Variants in MAML3 observed in about 807,000 individuals in gnomAD.
MAML3 encodes the protein mastermind like transcriptional coactivator 3.
In MAML3, 27 loss-of-function variants were observed where a neutral mutation model predicts 101.9. The observed-to-expected ratio is 0.27, with a 90% CI of 0.20 to 0.37. The LOEUF (loss-of-function observed/expected upper bound fraction) is 0.37. Ranked by LOEUF, MAML3 falls within the 10% of genes least tolerant of loss-of-function variation. The pLI is 1.00. For missense variants in MAML3, 1,316 were observed against 1,444.9 expected, an observed-to-expected ratio of 0.91 and a Z score of 1.45; for synonymous variants, 501 against 555.9, an observed-to-expected ratio of 0.90 and a Z score of 1.39.
Position 140,129,220 on chromosome 4 carries a change from A to G in MAML3, c.468+23640T>C, listed in dbSNP as rs149726057. Among the ~76,000 whole-genome samples the G allele has an allele frequency of 4.0e-3, 613 of 152,316 alleles. 2 individuals carry two copies. Among genetic ancestry groups the G allele is most frequent in the African/African-American group, 0.012 (491 of 41,584 alleles). ...TCACACTCAGAAAATGTGAGCTGTT[A>G]GTATTATCACTTTTTTCCATCAGTG... On this transcript the variant is annotated intron_variant, in intron 1 of 4. Transcript: ENST00000509479.
intron 1 of MAML3, among the ~76,000 whole-genome samples, chr4:140,064,523 GCTT>G (rs564095312): frequency 3.0e-4 from 46 of 152,284 alleles, no homozygotes; most frequent in African/African-American, 1.1e-3. Context: ...GTGGCTTTCT[GCTT>G]TTCCACACTT....
intron 1 of MAML3, among the ~76,000 whole-genome samples, chr4:139,956,579 A>C (rs958781504): frequency 6.6e-6 from 1 of 152,234 alleles, no homozygotes; most frequent in Non-Finnish European, 1.5e-5. Context: ...TTTGGCACAA[A>C]GCCCTTTATT....
At position 140,153,550 on chromosome 4, in the gene MAML3, AG is replaced by A. The variant is rs1202762441; in HGVS notation, c.-224del. The A allele has an allele frequency of 5.8e-6, 3 of 516,808 alleles. No homozygotes were observed. The highest frequency in any genetic ancestry group is 3.2e-5 in the East Asian group (1 of 31,168). 32.0% of individuals were successfully genotyped at this position (516,808 alleles called of 1,614,324 possible). ...ACTGTAAAAGCTCAAGGGGAAGAAA[AG>A]GGGGGAACGTTATCGGAATACCATC... On this transcript the variant is annotated 5_prime_UTR_variant, in exon 1 of 5. Coordinates refer to ENST00000509479, the MANE Select transcript of MAML3 (RefSeq NM_018717.5).
chr4:139,858,582 G>A (rs142865861), intron 2 of MAML3, among the ~76,000 whole-genome samples: 64 of 151,710 alleles, frequency 4.2e-4, no homozygotes, highest in Middle Eastern at 6.9e-3. Context: ...GCTTTTGTGC[G>A]TCCCACACAG....
rs368236253 is a variant in MAML3, at chr4:140,118,328, G to GTA, written c.468+34530_468+34531dup. Among the ~76,000 whole-genome samples, 497 of 151,550 alleles carry GTA rather than the reference G, an allele frequency of 3.3e-3. 4 individuals are homozygous for GTA. The highest frequency in any genetic ancestry group is 0.011 in the African/African-American group (455 of 41,350). ...TCTCTGCGCCTCAGTTTCTTCATCTGTATATATATATACACCTATCTCATT... is the reference window on the plus strand; with the variant it reads ...TCTCTGCGCCTCAGTTTCTTCATCTGTATATATATATATACACCTATCTCATT... On this transcript the variant is annotated intron_variant, in intron 1 of 4. Transcript: ENST00000509479.
intron 1 of MAML3, among the ~76,000 whole-genome samples, chr4:140,086,408 A>C (rs1481808481): frequency 1.3e-5 from 2 of 152,096 alleles, no homozygotes; most frequent in African/African-American, 4.8e-5. Flanking sequence ...TAAACAATAC[A>C]CTGTCTCGTC....
chr4:139,832,167 C>T (rs1380126678), intron 2 of MAML3, among the ~76,000 whole-genome samples: 1 of 139,486 alleles, frequency 7.2e-6, no homozygotes, highest in Non-Finnish European at 1.5e-5. Context: ...TGCGGTGGGG[C>T]CACCTTGGCT....
At chr4:139,739,468 T>A (rs1020296619) in intron 2 of MAML3, among the ~76,000 whole-genome samples, 10 of 152,210 alleles carry the variant, frequency 6.6e-5, no homozygotes, top group African/African-American at 2.4e-4. Flanking sequence ...GTCCTTTTGA[T>A]CCCTTTCTTG....
At chr4:139,808,148 T>C (rs1730732631) in intron 2 of MAML3, among the ~76,000 whole-genome samples, 1 of 152,266 alleles carries the variant, frequency 6.6e-6, no homozygotes, top group African/African-American at 2.4e-5. Flanking sequence ...CTATCCAATT[T>C]TTCTGACTTT....
At chr4:139,971,710 C>T (rs1469460257) in intron 1 of MAML3, among the ~76,000 whole-genome samples, 2 of 152,106 alleles carry the variant, frequency 1.3e-5, no homozygotes, top group Non-Finnish European at 2.9e-5. Flanking sequence ...GTCAATACTT[C>T]CATTTTCTGG....
chr4:139,931,000 G>C (rs534662174), intron 1 of MAML3, among the ~76,000 whole-genome samples: 5 of 152,058 alleles, frequency 3.3e-5, no homozygotes, highest in East Asian at 3.9e-4. Context: ...TAACAGATGT[G>C]GGGGAGAAGA....
chr4:139,989,166 A>T (rs1734612918), intron 1 of MAML3, among the ~76,000 whole-genome samples: 1 of 152,148 alleles, frequency 6.6e-6, no homozygotes, highest in African/African-American at 2.4e-5. Context: ...AATCTTGGCC[A>T]AGGATACAAA....
At chr4:139,864,365 G>A (rs533335749) in intron 2 of MAML3, among the ~76,000 whole-genome samples, 1 of 152,176 alleles carries the variant, frequency 6.6e-6, no homozygotes, top group East Asian at 1.9e-4. Context: ...TTACTTGTTG[G>A]CTTCACTTGT....
At chr4:139,782,349 A>G (rs1012969358) in intron 2 of MAML3, among the ~76,000 whole-genome samples, 1 of 152,054 alleles carries the variant, frequency 6.6e-6, no homozygotes, top group African/African-American at 2.4e-5. Flanking sequence ...TTGTTTTGGT[A>G]AAGATGGGGG....
intron 2 of MAML3, among the ~76,000 whole-genome samples, chr4:139,810,468 G>T (rs1407614075): frequency 2.0e-5 from 3 of 152,110 alleles, no homozygotes; most frequent in African/African-American, 7.2e-5. Context: ...GGAATTACAG[G>T]CATGGGACAT....
chr4:139,869,150 T>A (rs1049560393), intron 2 of MAML3, among the ~76,000 whole-genome samples: 4 of 152,212 alleles, frequency 2.6e-5, no homozygotes, highest in African/African-American at 9.6e-5. Context: ...GCCTGATTGG[T>A]ATGTTCCAAT....
At chr4:140,105,712 G>A (rs1728339369) in intron 1 of MAML3, among the ~76,000 whole-genome samples, 2 of 152,162 alleles carry the variant, frequency 1.3e-5, no homozygotes, top group East Asian at 1.9e-4. Context: ...GTTGCCTGTG[G>A]GGGACATGGA....
rs1026077409 is a variant in MAML3, at chr4:140,132,979, T to C, written c.468+19881A>G. ...TCTTTGATAAGAGTTTATTACAAAA[T>C]GTGAGTGCTGACTATAAGTACTATC... On this transcript the variant is annotated intron_variant, in intron 1 of 4. Coordinates refer to ENST00000509479, the MANE Select transcript of MAML3 (RefSeq NM_018717.5). 1.1e-5 allele frequency: 4 copies of C among 352,250 alleles called. No homozygotes were observed. In the East Asian group the frequency reaches 3.0e-4, roughly 26 times the overall value. The allele number at this position is 352,250 out of a possible 1,614,324, so 21.8% of individuals were successfully genotyped here.
rs147047175 is a variant in MAML3, at chr4:140,153,482, C to CG, written c.-156dup. 2.5e-3 allele frequency: 1,769 copies of CG among 713,914 alleles called. 14 individuals carry two copies. Among genetic ancestry groups the CG allele is most frequent in the African/African-American group, 0.024 (1,204 of 50,824 alleles). 44.2% of individuals were successfully genotyped at this position (713,914 alleles called of 1,614,324 possible). On this transcript the variant is annotated 5_prime_UTR_variant, in exon 1 of 5. Transcript: ENST00000509479. ...GGCGATCCCGACGGGGCGAAAAAAA[C>CG]GGGGGGGGAGATTTTGGGGTGGTTT...
Sources: allele counts gnomAD v4.1 joint callset (sites outside exome capture counted in the v4.1 genomes callset), GRCh38; gene constraint gnomAD v4.1.1; transcripts MANE v1.5; gene names NCBI Gene and HGNC (gene_info 2026-07-23, HGNC 2026-07-21).